Variants in APBB2 observed in about 807,000 individuals in gnomAD.
APBB2 encodes amyloid beta precursor protein binding family B member 2.
A neutral mutation model predicts 82.5 loss-of-function variants in APBB2; 38 were observed. The ratio of observed to expected loss-of-function variants is 0.46; its 90% CI spans 0.36 to 0.60. APBB2 has a LOEUF of 0.60. Ranked by LOEUF, APBB2 falls within the 20% of genes least tolerant of loss-of-function variation. APBB2 has a pLI of 0.00. For missense variants in APBB2, 772 were observed against 972.3 expected, an observed-to-expected ratio of 0.79 and a Z score of 2.74; for synonymous variants, 341 against 368.2, an observed-to-expected ratio of 0.93 and a Z score of 0.85.
At chr4:40,981,886 C>G (rs978102129) in intron 6 of APBB2, among the ~76,000 whole-genome samples, 3 of 151,830 alleles carry the variant, frequency 2.0e-5, no homozygotes, top group Non-Finnish European at 4.4e-5. Context: ...GTTTCTCGAG[C>G]GTAAGAATTT....
intron 3 of APBB2, among the ~76,000 whole-genome samples, chr4:41,088,279 T>C (rs973264134): frequency 6.6e-6 from 1 of 152,088 alleles, no homozygotes; most frequent in African/African-American, 2.4e-5. Flanking sequence ...CCTTAGTCTG[T>C]TGGTGAAAAG....
intron 1 of APBB2, among the ~76,000 whole-genome samples, chr4:41,178,892 T>C (rs1488174983): frequency 1.3e-5 from 2 of 152,212 alleles, no homozygotes; most frequent in Non-Finnish European, 2.9e-5. Context: ...CCTTGTCTTG[T>C]ACTTTTCTGC....
At position 41,007,595 on chromosome 4, in the gene APBB2, C is replaced by T. The variant is rs1049935927; in HGVS notation, c.835+5988G>A. Among the ~76,000 whole-genome samples the T allele has an allele frequency of 5.3e-5, 8 of 152,170 alleles. No homozygotes were observed. In the East Asian group the frequency reaches 1.5e-3, roughly 29 times the overall value. On this transcript the variant is annotated intron_variant, in intron 6 of 17. Coordinates refer to ENST00000508593, the MANE Select transcript of APBB2 (RefSeq NM_004307.2). ...GACTGAATTAGTGGCCCCAATTCTT[C>T]ATTCTTTCCAGGAGCCTAGAACATA...
chr4:40,953,813 G>A (rs2154385305), intron 6 of APBB2, among the ~76,000 whole-genome samples: 1 of 152,320 alleles, frequency 6.6e-6, no homozygotes, highest in South Asian at 2.1e-4. Context: ...AAGAGTGGGA[G>A]CTGAAAGCCA....
chr4:40,848,836 C>T, intron 12 of APBB2: 1 of 984,804 alleles, frequency 1.0e-6, no homozygotes, highest in Non-Finnish European at 1.2e-6. Context: ...CAGGTCCTCC[C>T]CTCATCATCC....
chr4:41,110,960 C>A (rs894957982), intron 2 of APBB2, among the ~76,000 whole-genome samples: 1 of 152,104 alleles, frequency 6.6e-6, no homozygotes, highest in African/African-American at 2.4e-5. Context: ...AATGTAGAAC[C>A]AGTGGGAACC....
At chr4:41,189,244 C>G (rs769834196) in intron 1 of APBB2, among the ~76,000 whole-genome samples, 5 of 152,094 alleles carry the variant, frequency 3.3e-5, no homozygotes, top group Non-Finnish European at 2.9e-5. Context: ...GTTGCACAGA[C>G]GTGGTCAGAA....
intron 6 of APBB2, among the ~76,000 whole-genome samples, chr4:41,011,633 G>A (rs1808404873): frequency 6.6e-6 from 1 of 152,114 alleles, no homozygotes; most frequent in South Asian, 2.1e-4. Flanking sequence ...GTTTCACCAT[G>A]TTGCCCAGGC....
At chr4:40,893,930 C>T (rs1247062265) in intron 10 of APBB2, among the ~76,000 whole-genome samples, 1 of 151,908 alleles carries the variant, frequency 6.6e-6, no homozygotes, top group Non-Finnish European at 1.5e-5. Flanking sequence ...ACCAAGTTGG[C>T]ACCATTGCAC....
intron 12 of APBB2, chr4:40,849,084 C>G (rs911389279): frequency 6.9e-5 from 13 of 187,434 alleles, no homozygotes; most frequent in Non-Finnish European, 1.3e-4. Flanking sequence ...TCTTCCTGAT[C>G]AGGTTGGTAA....
chr4:40,937,204 T>C (rs59098301), intron 7 of APBB2, among the ~76,000 whole-genome samples: 4,718 of 152,244 alleles, frequency 0.031, 244 homozygotes, highest in African/African-American at 0.11. Context: ...TGTGTCTTTG[T>C]GGAGAAATTT....
intron 12 of APBB2, among the ~76,000 whole-genome samples, chr4:40,886,824 G>T (rs16852589): frequency 0.042 from 6,443 of 152,282 alleles, 462 homozygotes; most frequent in African/African-American, 0.15. Flanking sequence ...TGCTCCTGGG[G>T]CTGAACTAGA....
chr4:41,190,433 A>G (rs572973340), intron 1 of APBB2, among the ~76,000 whole-genome samples: 5 of 151,976 alleles, frequency 3.3e-5, no homozygotes, highest in Admixed American at 6.6e-5. Flanking sequence ...TATTTTTAGT[A>G]GACACAGGGT....
chr4:41,014,198 T>C lies in APBB2; in HGVS notation c.220A>G (p.Asn74Asp), dbSNP rs756914339. The stretch of plus-strand genomic sequence containing the variant: ...GAGAGGCCCATGGCCGCCTGGATGT[T>C]AGTTAGTGCATATTTTTTCCTGCAT... ...PKCRKKYALT[N>D]IQAAMGLSDP... Residue 74 changes from asparagine to aspartate, a missense_variant, in exon 6 of 18, where the codon AAC (asparagine) becomes GAC (aspartate). By Grantham distance (23) the Asn-to-Asp change is conservative. Transcript: ENST00000508593. The C allele has an allele frequency of 4.3e-6, 7 of 1,614,218 alleles. No homozygotes were observed. Among genetic ancestry groups the C allele is most frequent in the Admixed American group, 1.7e-5 (1 of 60,030 alleles).
chr4:40,830,020 G>A (rs546337871), intron 13 of APBB2, among the ~76,000 whole-genome samples: 1 of 152,140 alleles, frequency 6.6e-6, no homozygotes, highest in Non-Finnish European at 1.5e-5. Flanking sequence ...TGGAAAATCC[G>A]CTTTGACTCC....
At chr4:41,075,735 G>A (rs1735425031) in intron 3 of APBB2, among the ~76,000 whole-genome samples, 2 of 152,266 alleles carry the variant, frequency 1.3e-5, no homozygotes, top group Non-Finnish European at 2.9e-5. Context: ...ATTATGTTAC[G>A]CTTATAACTG....
At chr4:41,185,976 T>C (rs1772782899) in intron 1 of APBB2, among the ~76,000 whole-genome samples, 1 of 152,168 alleles carries the variant, frequency 6.6e-6, no homozygotes, top group Non-Finnish European at 1.5e-5. Context: ...ACACTAGAGC[T>C]ACTATACTGG....
chr4:41,083,481 G>C lies in APBB2; in HGVS notation c.-149+17158C>G, dbSNP rs140017045. 8.4e-3 allele frequency among the ~76,000 whole-genome samples: 1,279 copies of C among 151,996 alleles called. 15 individuals are homozygous for C. The highest frequency in any genetic ancestry group is 0.028 in the African/African-American group (1,153 of 41,486). ...CAAGGCAGGTGGATCACTAGGTCAA[G>C]AGATCAAGACCATCCTGGCCAACAT... On this transcript the variant is annotated intron_variant, in intron 3 of 17. Coordinates refer to ENST00000508593, the MANE Select transcript of APBB2 (RefSeq NM_004307.2).
chr4:41,003,698 C>T (rs529558422), intron 6 of APBB2, among the ~76,000 whole-genome samples: 8 of 152,110 alleles, frequency 5.3e-5, no homozygotes, highest in African/African-American at 1.9e-4. Context: ...GGAGCGAGAC[C>T]CTGATGACAT....
Sources: gnomAD v4.1 joint callset for allele counts (sites outside exome capture counted in the v4.1 genomes callset) on GRCh38, gnomAD v4.1.1 for gene constraint, MANE v1.5 for transcripts, NCBI Gene and HGNC (gene_info 2026-07-23, HGNC 2026-07-21) for gene names.